TMEM71: variants seen among roughly 807,000 people sequenced by gnomAD.
The protein encoded by TMEM71 is transmembrane protein 71.
TMEM71 carries 44 observed loss-of-function variants against 38.0 expected under a neutral mutation model. The observed-to-expected ratio is 1.16, with a 90% CI of 0.91 to 1.49. The LOEUF (loss-of-function observed/expected upper bound fraction) is 1.49, where lower values mean the gene tolerates loss of function less well. Ranked by LOEUF, TMEM71 falls within the 40% of genes most tolerant of loss-of-function variation. TMEM71 has a pLI of 0.00. For missense variants in TMEM71, 367 were observed against 348.6 expected (o/e 1.05, Z -0.42); for synonymous variants, 133 against 122.5 (o/e 1.09, Z -0.56).
At chr8:132,751,425 A>T (rs1358548227) in intron 4 of TMEM71, among the ~76,000 whole-genome samples, 1 of 152,230 alleles carries the variant, frequency 6.6e-6, no homozygotes, top group East Asian at 1.9e-4. Flanking sequence ...AGTAAAATGG[A>T]TCTCCTTTCT....
chr8:132,748,572 C>A (rs1444104233), intron 4 of TMEM71, among the ~76,000 whole-genome samples: 2 of 152,180 alleles, frequency 1.3e-5, no homozygotes, highest in African/African-American at 4.8e-5. Flanking sequence ...GACAATGGAA[C>A]ACATTCTTGT....
chr8:132,710,525 T>C lies in TMEM71; in HGVS notation c.*442A>G. The stretch of plus-strand genomic sequence containing the variant: ...GTTATTCAAGTTGTCAGGTTGGTAT[T>C]AGTTAGACAAACTTGCTCTCATTAT... On this transcript the variant is annotated 3_prime_UTR_variant, in exon 10 of 10. Coordinates refer to ENST00000677595, the MANE Select transcript of TMEM71 (RefSeq NM_001382403.1). 3.5e-6 allele frequency: 1 copy of C among 289,150 alleles called. No individual in the cohort carries two copies. The highest frequency in any genetic ancestry group is 5.2e-5 in the Admixed American group (1 of 19,248). 17.9% of individuals were successfully genotyped at this position (289,150 alleles called of 1,614,324 possible).
chr8:132,747,977 C>T (rs985309313), intron 4 of TMEM71, among the ~76,000 whole-genome samples: 1 of 152,092 alleles, frequency 6.6e-6, no homozygotes, highest in African/African-American at 2.4e-5. Flanking sequence ...CTCAGAGGTA[C>T]AAGATTGAGG....
intron 4 of TMEM71, among the ~76,000 whole-genome samples, chr8:132,749,753 C>T (rs1050423558): frequency 2.6e-5 from 4 of 152,180 alleles, no homozygotes; most frequent in African/African-American, 9.7e-5. Flanking sequence ...CAGTGGCTCA[C>T]ACCTGTAATC....
intron 5 of TMEM71, among the ~76,000 whole-genome samples, chr8:132,731,062 A>C (rs1827426699): frequency 6.6e-6 from 1 of 152,208 alleles, no homozygotes; most frequent in South Asian, 2.1e-4. Context: ...CATACATTCT[A>C]ATACTAGTAA....
At chr8:132,718,147 G>C (rs1342736591) in intron 7 of TMEM71, among the ~76,000 whole-genome samples, 1 of 152,144 alleles carries the variant, frequency 6.6e-6, no homozygotes, top group Non-Finnish European at 1.5e-5. Flanking sequence ...TGATGCAATT[G>C]TTATAGAATT....
In TMEM71 at chr8:132,753,315, G is replaced by T. The variant is rs1369977352; in HGVS notation, c.102-1318C>A. Among the ~76,000 whole-genome samples the T allele has an allele frequency of 3.3e-5, 5 of 152,150 alleles. No individual in the cohort carries two copies. The East Asian group carries it at 7.7e-4, about 23-fold the overall frequency. On this transcript the variant is annotated intron_variant, in intron 3 of 9. Coordinates refer to ENST00000677595, the MANE Select transcript of TMEM71 (RefSeq NM_001382403.1). ...TGAATATATTTGAATTCTTGGGGTG[G>T]TTTTTTGTGAATCAATTAACAGCAC...
intron 2 of TMEM71, 184 bp downstream of exon 2, chr8:132,758,656 C>A: frequency 1.5e-5 from 8 of 529,878 alleles, no homozygotes; most frequent in South Asian, 5.3e-5. Flanking sequence ...AAAAATACCA[C>A]ATTTCTTTCA....
intron 5 of TMEM71, among the ~76,000 whole-genome samples, chr8:132,731,303 G>GGGT (rs1191128247): frequency 2.6e-5 from 4 of 152,154 alleles, no homozygotes; most frequent in African/African-American, 9.7e-5. Context: ...GGGGAGTAGG[G>GGGT]GGTGGTAGAA....
In TMEM71 at chr8:132,751,886, G is replaced by A; in HGVS notation, c.213C>T (p.Gly71=). 1 of 1,614,042 alleles carries A rather than the reference G, an allele frequency of 6.2e-7. No homozygotes were observed. Among genetic ancestry groups the A allele is most frequent in the East Asian group, 2.2e-5 (1 of 44,880 alleles). The change falls in exon 4 of 10, where the codon GGC becomes GGT. Residue 71 remains glycine, a synonymous_variant. Transcript: ENST00000677595. ...CRRSPRLLTN[G]YYIWTEDSFL... is the part of the protein sequence containing the mutation. ...AGCTGTCTTCAGTCCAAATATAGTA[G>A]CCATTGGTGAGGAGTCTGGGACTTC... is the stretch of plus-strand genomic sequence containing the variant.
Position 132,751,822 on chromosome 8 carries a change from A to G in TMEM71, c.277T>C (p.Ser93Pro), listed in dbSNP as rs1828727525. The G allele has an allele frequency of 3.1e-6, 5 of 1,613,714 alleles. No individual in the cohort carries two copies. The South Asian group carries it at 4.4e-5, about 14-fold the overall frequency. ...TCCTTATACATAACGCTGGTCTGGG[A>G]TGGGTTCAGAGTTATGTTGCCATCT... ...DKDGNITLNPSQTSVMYKENL... is the reference protein window; with the variant it reads ...DKDGNITLNPPQTSVMYKENL... The change falls in exon 4 of 10, where the codon TCC (serine) becomes CCC (proline). Residue 93 changes from serine to proline, a missense_variant. Physicochemically the swap from Ser to Pro is moderately conservative, Grantham distance 74. Transcript: ENST00000677595.
At chr8:132,767,663 C>T in the TMEM71 span, among the ~76,000 whole-genome samples, 6 of 151,960 alleles carry the variant, frequency 3.9e-5, no homozygotes, top group Non-Finnish European at 7.4e-5. Flanking sequence ...TTAGTAGAGA[C>T]GGGGTTTCAC....
chr8:132,739,218 T>C (rs1283232400), intron 5 of TMEM71, among the ~76,000 whole-genome samples: 2 of 152,240 alleles, frequency 1.3e-5, no homozygotes, highest in African/African-American at 4.8e-5. Flanking sequence ...GGATTTCTCC[T>C]TGAAAAGGAA....
intron 6 of TMEM71, among the ~76,000 whole-genome samples, chr8:132,727,059 G>T (rs551331596): frequency 6.6e-6 from 1 of 151,630 alleles, no homozygotes; most frequent in Admixed American, 6.6e-5. Flanking sequence ...CTTTTGCCAT[G>T]TTGGCCAGGC....
intron 3 of TMEM71, among the ~76,000 whole-genome samples, chr8:132,752,467 C>T (rs745877797): frequency 9.9e-5 from 15 of 152,098 alleles, no homozygotes; most frequent in Admixed American, 2.0e-4. Context: ...TGCAAATTTC[C>T]CTCCAGGCTG....
At chr8:132,751,273 C>T (rs145146609) in intron 4 of TMEM71, among the ~76,000 whole-genome samples, 1 of 152,190 alleles carries the variant, frequency 6.6e-6, no homozygotes, top group African/African-American at 2.4e-5. Flanking sequence ...CTAAGTTTTA[C>T]CAGGGTCTCT....
chr8:132,715,445 GTGTGC>G (rs1826473889), intron 7 of TMEM71, among the ~76,000 whole-genome samples: 1 of 120,444 alleles, frequency 8.3e-6, no homozygotes, highest in South Asian at 2.7e-4. Flanking sequence ...AGAATGAAAA[GTGTGC>G]AAACAGTTGG....
chr8:132,733,080 C>T (rs1827549911), intron 5 of TMEM71, among the ~76,000 whole-genome samples: 1 of 152,158 alleles, frequency 6.6e-6, no homozygotes, highest in Non-Finnish European at 1.5e-5. Flanking sequence ...CTGTTCTCTG[C>T]CTTCAGAGGA....
At chr8:132,760,956 T>C (rs1442870183), upstream of TMEM71, among the ~76,000 whole-genome samples, 1 of 152,238 alleles carries the variant, frequency 6.6e-6, no homozygotes, top group Non-Finnish European at 1.5e-5. Flanking sequence ...CTTAAATTTA[T>C]TGAGGATAAT....
Sources: allele counts gnomAD v4.1 joint callset (sites outside exome capture counted in the v4.1 genomes callset), GRCh38; gene constraint gnomAD v4.1.1; transcripts MANE v1.5; gene names NCBI Gene and HGNC (gene_info 2026-07-23, HGNC 2026-07-21).